Variants in RIPOR2 observed in about 807,000 individuals in gnomAD.
RIPOR2 encodes rho family-interacting cell polarization regulator 2.
A neutral mutation model predicts 114.5 loss-of-function variants in RIPOR2; 39 were observed. That is an observed-to-expected ratio of 0.34 (90% CI 0.26 to 0.44). The LOEUF is 0.44. RIPOR2 is among the 20% of genes least tolerant of loss of function. The probability of loss-of-function intolerance (pLI) is 1.00; values close to 1 mark genes in which losing one functional copy is unlikely to be tolerated. For synonymous variants in RIPOR2, 445 were observed against 484.4 expected, an observed-to-expected ratio of 0.92 and a Z score of 1.07; for missense variants, 1,007 against 1,255.1, an observed-to-expected ratio of 0.80 and a Z score of 2.99.
intron 17 of RIPOR2, 100 bp from the exon 18 acceptor site, chr6:24,828,395 G>A (rs1760376948): frequency 8.9e-7 from 1 of 1,118,282 alleles, no homozygotes; most frequent in Non-Finnish European, 1.2e-6. Context: ...TTAGAGACAG[G>A]GTCTCACTTT....
At chr6:24,867,033 C>T (rs573002147) in intron 6 of RIPOR2, among the ~76,000 whole-genome samples, 1 of 152,306 alleles carries the variant, frequency 6.6e-6, no homozygotes, top group South Asian at 2.1e-4. Flanking sequence ...GCATTCTCTA[C>T]ACAGATATCA....
intron 1 of RIPOR2, among the ~76,000 whole-genome samples, chr6:24,891,320 G>T (rs1767335621): frequency 6.6e-6 from 1 of 152,154 alleles, no homozygotes; most frequent in Non-Finnish European, 1.5e-5. Flanking sequence ...TATAACATCT[G>T]CTGAGTTATT....
chr6:25,027,436 A>G (rs1243630500), intron 1 of RIPOR2, among the ~76,000 whole-genome samples: 5 of 152,184 alleles, frequency 3.3e-5, no homozygotes, highest in South Asian at 4.1e-4. Flanking sequence ...GTCAGGGCCC[A>G]GGGTATAAAC....
At chr6:24,925,120 G>C (rs1770765026) in intron 1 of RIPOR2, among the ~76,000 whole-genome samples, 1 of 152,134 alleles carries the variant, frequency 6.6e-6, no homozygotes, top group African/African-American at 2.4e-5. Context: ...TATCTTGCAG[G>C]TAGTTGGCTG....
chr6:25,020,924 T>G (rs949232041), intron 1 of RIPOR2, among the ~76,000 whole-genome samples: 1 of 152,176 alleles, frequency 6.6e-6, no homozygotes, highest in Admixed American at 6.5e-5. Context: ...TGGCGTGATC[T>G]TGGCCCACGG....
intron 1 of RIPOR2, chr6:24,877,269 C>T: frequency 1.0e-6 from 1 of 985,430 alleles, no homozygotes; most frequent in Non-Finnish European, 1.2e-6. Flanking sequence ...GACAAACAGC[C>T]TCCTCCCCCA....
intron 1 of RIPOR2, among the ~76,000 whole-genome samples, chr6:25,006,796 A>G (rs1167918841): frequency 1.3e-5 from 2 of 152,278 alleles, no homozygotes; most frequent in African/African-American, 4.8e-5. Flanking sequence ...TAGCACAGCT[A>G]TATAAGAAGC....
At chr6:25,024,603 A>C in intron 1 of RIPOR2, 1 of 470,528 alleles carries the variant, frequency 2.1e-6, no homozygotes, top group Non-Finnish European at 3.9e-6. Context: ...CAGATTTTTT[A>C]ACCATTGTTA....
intron 4 of RIPOR2, among the ~76,000 whole-genome samples, chr6:24,871,672 C>T (rs1261811828): frequency 6.6e-6 from 1 of 152,162 alleles, no homozygotes; most frequent in Non-Finnish European, 1.5e-5. Context: ...GTTCTTGAGG[C>T]TGTGATAAGC....
At chr6:24,840,117 T>G (rs1391886476) in intron 13 of RIPOR2, 1 of 730,006 alleles carries the variant, frequency 1.4e-6, no homozygotes, top group Non-Finnish European at 1.7e-6. Context: ...ACCAGGCTAA[T>G]TTTTTTCTTT....
intron 1 of RIPOR2, among the ~76,000 whole-genome samples, chr6:24,897,695 C>T (rs1335829949): frequency 1.3e-5 from 2 of 152,152 alleles, no homozygotes; most frequent in Non-Finnish European, 2.9e-5. Flanking sequence ...CATCATACCT[C>T]TCATTACCAG....
intron 1 of RIPOR2, among the ~76,000 whole-genome samples, chr6:25,029,777 T>A (rs1776831618): frequency 6.6e-6 from 1 of 152,216 alleles, no homozygotes; most frequent in African/African-American, 2.4e-5. Flanking sequence ...AAAATTGATT[T>A]TTTTGTCCTT....
chr6:25,014,647 T>C (rs1478679703), intron 1 of RIPOR2, among the ~76,000 whole-genome samples: 1 of 152,176 alleles, frequency 6.6e-6, no homozygotes, highest in East Asian at 1.9e-4. Flanking sequence ...TTTCCTCTAT[T>C]TGCCCTCTGA....
chr6:24,877,124 C>A, intron 1 of RIPOR2: 1 of 985,252 alleles, frequency 1.0e-6, no homozygotes, highest in Non-Finnish European at 1.2e-6. Context: ...CTAAAAAAAA[C>A]AACAGCAGCA....
intron 3 of RIPOR2, 145 bp downstream of exon 3, chr6:24,873,499 A>G: frequency 1.4e-6 from 1 of 699,650 alleles, no homozygotes. Flanking sequence ...CATCTCTGGG[A>G]CTTATGTCAG....
intron 1 of RIPOR2, among the ~76,000 whole-genome samples, chr6:25,022,502 G>A (rs556952307): frequency 7.2e-5 from 9 of 125,506 alleles, no homozygotes; most frequent in African/African-American, 2.6e-4. Flanking sequence ...TCTTTTTAAC[G>A]TAACACATAT....
chr6:24,830,218 C>T (rs1760555674), intron 17 of RIPOR2, among the ~76,000 whole-genome samples: 2 of 152,082 alleles, frequency 1.3e-5, no homozygotes, highest in South Asian at 2.1e-4. Flanking sequence ...CACCTGTCTC[C>T]GTCTCCCAAA....
At chr6:25,040,622 C>T (rs558619865) in intron 1 of RIPOR2, among the ~76,000 whole-genome samples, 18 of 135,144 alleles carry the variant, frequency 1.3e-4, no homozygotes, top group South Asian at 7.1e-4. Flanking sequence ...GACAGAGTTT[C>T]GCTGTTGTTG....
chr6:25,019,578 G>A (rs1366164073), intron 1 of RIPOR2, among the ~76,000 whole-genome samples: 1 of 146,880 alleles, frequency 6.8e-6, no homozygotes, highest in Non-Finnish European at 1.5e-5. Context: ...GACCATCCTG[G>A]CTAACACGGT....
Sources: gnomAD v4.1 joint callset for allele counts (sites outside exome capture counted in the v4.1 genomes callset) on GRCh38, gnomAD v4.1.1 for gene constraint, MANE v1.5 for transcripts, NCBI Gene and HGNC (gene_info 2026-07-23, HGNC 2026-07-21) for gene names.